PTH1R: variants seen among roughly 807,000 people sequenced by gnomAD.
The protein encoded by PTH1R is parathyroid hormone 1 receptor, also known as parathyroid hormone/parathyroid hormone-related peptide receptor.
A neutral mutation model predicts 70.7 loss-of-function variants in PTH1R; 32 were observed. The ratio of observed to expected loss-of-function variants is 0.45; its 90% CI spans 0.34 to 0.61. The LOEUF is 0.61. Among genes scored for constraint, PTH1R ranks in the 20% least tolerant of loss-of-function variants. PTH1R has a pLI of 0.01. For synonymous variants in PTH1R, 329 were observed against 324.8 expected (o/e 1.01, Z -0.14); for missense variants, 626 against 792.5 (o/e 0.79, Z 2.52).
At chr3:46,895,563 C>A in intron 4 of PTH1R, 172 bp from the exon 5 acceptor site, 1 of 403,842 alleles carries the variant, frequency 2.5e-6, no homozygotes, top group Non-Finnish European at 3.3e-6. Flanking sequence ...GCACTTTACA[C>A]TTTGTTAAAC....
Position 46,884,134 on chromosome 3 carries a change from C to T in PTH1R, c.75+500C>T, listed in dbSNP as rs1000422134. Among the ~76,000 whole-genome samples, 13 of 152,118 alleles carry T rather than the reference C, an allele frequency of 8.5e-5. No homozygotes were observed. The highest frequency in any genetic ancestry group is 2.9e-4 in the African/African-American group (12 of 41,420). Reference sequence around the variant, plus strand: ...CACACACACACATGCACACGTCTGGCTTCACCCAGGGTAGAAGCTGTTTCC... The same window carrying T: ...CACACACACACATGCACACGTCTGGTTTCACCCAGGGTAGAAGCTGTTTCC... On this transcript the variant is annotated intron_variant, in intron 3 of 15. Transcript: ENST00000449590. This position sits in a 1 kb window ranked among gnomAD's most constrained non-coding sequence, Gnocchi z 4.8.
intron 3 of PTH1R, among the ~76,000 whole-genome samples, chr3:46,888,275 C>T (rs960414056): frequency 1.3e-5 from 2 of 152,206 alleles, no homozygotes; most frequent in Non-Finnish European, 2.9e-5. Context: ...TTGTCTTTTT[C>T]GTATTGATTT....
Position 46,903,076 on chromosome 3 carries a change from G to A in PTH1R, c.1396-194G>A. The A allele has an allele frequency of 3.5e-6, 4 of 1,145,358 alleles. 1 individual carries two copies. The South Asian group carries it at 5.3e-5, about 15-fold the overall frequency. 70.9% of individuals were successfully genotyped at this position (1,145,358 alleles called of 1,614,324 possible). On this transcript the variant is annotated intron_variant, in intron 15 of 15. Coordinates refer to ENST00000449590, the MANE Select transcript of PTH1R (RefSeq NM_000316.3). This position sits in a 1 kb window ranked among gnomAD's most constrained non-coding sequence, Gnocchi z 4.4. ...CTCAGCCACCTTTGGGGCAATTTGAGCCTTGTAGATTCTGGGTGTGTCGGC... is the reference window on the plus strand; with the variant it reads ...CTCAGCCACCTTTGGGGCAATTTGAACCTTGTAGATTCTGGGTGTGTCGGC...
intron 3 of PTH1R, among the ~76,000 whole-genome samples, chr3:46,887,596 C>G (rs2031118724): frequency 1.3e-5 from 2 of 152,260 alleles, no homozygotes; most frequent in East Asian, 3.9e-4. Flanking sequence ...TCTCCTTCCT[C>G]TTTCTGTGTG....
chr3:46,887,076 C>T (rs977191026), intron 3 of PTH1R, among the ~76,000 whole-genome samples: 1 of 151,928 alleles, frequency 6.6e-6, no homozygotes, highest in Non-Finnish European at 1.5e-5. Context: ...CCCATCTCTA[C>T]TAAGAATACA....
At chr3:46,894,038 A>G (rs778338983) in intron 4 of PTH1R, 29 bp downstream of exon 4, 1 of 1,608,030 alleles carries the variant, frequency 6.2e-7, no homozygotes, top group Non-Finnish European at 8.5e-7. Context: ...GGGTCTGGGG[A>G]TGAGGTCAGG....
chr3:46,893,847 C>A lies in PTH1R; in HGVS notation c.76-60C>A. On this transcript the variant is annotated intron_variant, in intron 3 of 15. Transcript: ENST00000449590. This position sits in a 1 kb window ranked among gnomAD's most constrained non-coding sequence, Gnocchi z 5.2. ...TAGTCCCTCTGGGAAATTGGGATGT[C>A]TCTGGGACCTGCTGCTGCGCCGGAA... 1 of 1,528,304 alleles carries A rather than the reference C, an allele frequency of 6.5e-7. No individual in the cohort carries two copies. Among genetic ancestry groups the A allele is most frequent in the Non-Finnish European group, 9.0e-7 (1 of 1,109,778 alleles). 94.7% of individuals were successfully genotyped at this position (1,528,304 alleles called of 1,614,324 possible).
rs2031920667 is a variant in PTH1R, at chr3:46,898,697, A to G, written c.674A>G (p.His225Arg). ...TGCACGCGCAACTACATCCACATGC[A>G]CCTGTTCCTGTCCTTCATGCTGCGC... ...LHCTRNYIHM[H>R]LFLSFMLRAV... The change falls in exon 9 of 16, where the codon CAC becomes CGC. Residue 225 changes from histidine (H) to arginine (R), a missense_variant. His to Arg is a conservative substitution (Grantham distance 29, BLOSUM62 0). This residue lies in a region of PTH1R where 495 missense variants were observed against 638.7 expected (regional missense o/e 0.77). Transcript: ENST00000449590. 1.2e-6 allele frequency: 2 copies of G among 1,612,166 alleles called. No individual in the cohort carries two copies. Among genetic ancestry groups the G allele is most frequent in the East Asian group, 2.2e-5 (1 of 44,860 alleles).
Position 46,898,837 on chromosome 3 carries a change from G to A in PTH1R, c.814G>A (p.Ala272Thr). 6.4e-7 allele frequency: 1 copy of A among 1,551,872 alleles called. No homozygotes were observed. Among genetic ancestry groups the A allele is most frequent in the Non-Finnish European group, 8.7e-7 (1 of 1,154,186 alleles). The change falls in exon 9 of 16, where the codon GCC becomes ACC. Residue 272 changes from alanine (A) to threonine (T), a missense_variant. Transcript: ENST00000449590. ...RAIAQAPPPPATAAAGYAGCR... is the reference protein window; with the variant it reads ...RAIAQAPPPPTTAAAGYAGCR... ...CATCGCCCAGGCGCCCCCGCCGCCT[G>A]CCACCGCCGCTGCCGGCTACGTGAG...
At chr3:46,898,559 C>T in intron 8 of PTH1R, 87 bp downstream of exon 8, 1 of 1,598,706 alleles carries the variant, frequency 6.3e-7, no homozygotes. Context: ...CTGCACCCAT[C>T]ACCCCCGGCG....
Position 46,902,746 on chromosome 3 carries a change from C to G in PTH1R, c.1354-3C>G, listed in dbSNP as rs2032204619. 1 of 1,613,880 alleles carries G rather than the reference C, an allele frequency of 6.2e-7. No individual in the cohort carries two copies. The highest frequency in any genetic ancestry group is 1.3e-5 in the African/African-American group (1 of 74,898). ...GCCTGATTCGAGACACCCCTCTTCACAGGGATTTTTTGTCGCAATCATATA... is the reference window on the plus strand; with the variant it reads ...GCCTGATTCGAGACACCCCTCTTCAGAGGGATTTTTTGTCGCAATCATATA... On this transcript the variant is annotated splice_region_variant and splice_polypyrimidine_tract_variant and intron_variant, in intron 14 of 15. Coordinates refer to ENST00000449590, the MANE Select transcript of PTH1R (RefSeq NM_000316.3). This position sits in a 1 kb window ranked among gnomAD's most constrained non-coding sequence, Gnocchi z 5.4.
chr3:46,899,573 C>T, intron 10 of PTH1R, 117 bp downstream of exon 10: 1 of 1,334,648 alleles, frequency 7.5e-7, no homozygotes, highest in Non-Finnish European at 1.0e-6. Flanking sequence ...AGTGGAACAG[C>T]AGGAGAGAGG....
chr3:46,894,276 A>C (rs1409211144), intron 4 of PTH1R, among the ~76,000 whole-genome samples: 1 of 152,110 alleles, frequency 6.6e-6, no homozygotes, highest in Non-Finnish European at 1.5e-5. Context: ...TGTCGGGTTA[A>C]TCTCATCAAC....
At chr3:46,900,007 GC>G (rs1454625922) in intron 10 of PTH1R, among the ~76,000 whole-genome samples, 4 of 152,200 alleles carry the variant, frequency 2.6e-5, no homozygotes, top group Admixed American at 6.5e-5. Context: ...ACTCCTCCCA[GC>G]CCCCCACAGG....
chr3:46,879,738 C>T lies in PTH1R; in HGVS notation c.-105-1324C>T, dbSNP rs1261769850. 6.7e-6 allele frequency among the ~76,000 whole-genome samples: 1 copy of T among 149,820 alleles called. No individual in the cohort carries two copies. The highest frequency in any genetic ancestry group is 2.1e-4 in the South Asian group (1 of 4,704). ...CTCCAGCCTGGGTGACACAGCAAGA[C>T]CCTGTCTGGGGAAAAAAAAAATGCT... is the stretch of plus-strand genomic sequence containing the variant. On this transcript the variant is annotated intron_variant, in intron 1 of 15. Transcript: ENST00000449590. This position sits in a 1 kb window ranked among gnomAD's most constrained non-coding sequence, Gnocchi z 4.7.
chr3:46,881,499 G>C (rs1390399663), intron 2 of PTH1R, among the ~76,000 whole-genome samples: 1 of 152,170 alleles, frequency 6.6e-6, no homozygotes, highest in African/African-American at 2.4e-5. Context: ...TTGAGCCCCA[G>C]GTCTGGCAGC....
rs1449065976 is a variant in PTH1R, at chr3:46,892,482, C to A, written c.76-1425C>A. 2.0e-5 allele frequency among the ~76,000 whole-genome samples: 3 copies of A among 152,194 alleles called. No individual in the cohort carries two copies. The highest frequency in any genetic ancestry group is 2.0e-4 in the Admixed American group (3 of 15,294). Reference sequence around the variant, plus strand: ...GAATGCGCTGCCACTCGCGCGCGCACGCACAGGGACGCGCACGCGGCTCCG... The same window carrying A: ...GAATGCGCTGCCACTCGCGCGCGCAAGCACAGGGACGCGCACGCGGCTCCG... On this transcript the variant is annotated intron_variant, in intron 3 of 15. Transcript: ENST00000449590. The surrounding 1 kb of genome is among the most constrained non-coding windows in gnomAD (Gnocchi z 5.2).
At chr3:46,890,772 A>C (rs898714051) in intron 3 of PTH1R, among the ~76,000 whole-genome samples, 1 of 152,126 alleles carries the variant, frequency 6.6e-6, no homozygotes, top group African/African-American at 2.4e-5. Flanking sequence ...AAGTGCTGGG[A>C]TTACTGGTGT....
chr3:46,877,823 TGGAA>T lies in PTH1R; in HGVS notation c.-123_-120del. 1 of 152,230 alleles carries T rather than the reference TGGAA, an allele frequency of 6.6e-6. No individual in the cohort carries two copies. The highest frequency in any genetic ancestry group is 2.4e-5 in the African/African-American group (1 of 41,452). The allele number at this position is 152,230 out of a possible 1,614,324, so 9.4% of individuals were successfully genotyped here. ...CTGCTCTGCAGCTTTAGGCCCGACT[TGGAA>T]GGCCCATGGGCTGCAGGTGAGTGGG... On this transcript the variant is annotated 5_prime_UTR_variant, in exon 1 of 16. Transcript: ENST00000449590.
Sources: gnomAD v4.1 joint callset for allele counts (sites outside exome capture counted in the v4.1 genomes callset) on GRCh38, gnomAD v4.1.1 for gene constraint, gnomAD v4.1.1 regional missense constraint, Gnocchi (gnomAD v3.1) non-coding constraint, MANE v1.5 for transcripts, NCBI Gene and HGNC (gene_info 2026-07-23, HGNC 2026-07-21) for gene names.